Variants in SLC18A2 observed in about 807,000 individuals in gnomAD.
SLC18A2 encodes solute carrier family 18 member A2, also known as synaptic vesicular amine transporter.
Under a neutral mutation model 59.2 loss-of-function variants are expected in SLC18A2, and 33 were observed. The observed-to-expected ratio is 0.56, with a 90% CI of 0.42 to 0.75. The LOEUF is 0.75. SLC18A2 is among the 30% of genes least tolerant of loss of function. The probability of loss-of-function intolerance (pLI) is 0.00; values close to 1 mark genes in which losing one functional copy is unlikely to be tolerated. For missense variants in SLC18A2, 569 were observed against 668.6 expected (o/e 0.85, Z 1.64); for synonymous variants, 228 against 253.5 (o/e 0.90, Z 0.95).
chr10:117,277,634 T>C lies in SLC18A2; in HGVS notation c.*368T>C, dbSNP rs363281. 4,864 of 154,524 alleles carry C rather than the reference T, an allele frequency of 0.031. 85 individuals carry two copies. The highest frequency in any genetic ancestry group is 0.038 in the South Asian group (190 of 4,936). 9.6% of individuals were successfully genotyped at this position (154,524 alleles called of 1,614,324 possible). ...GGGCAAAAATCATATTGGTAATGAG[T>C]GTTTAAAATTAAAGCACACATTATC... On this transcript the variant is annotated 3_prime_UTR_variant, in exon 16 of 16. Coordinates refer to ENST00000644641, the MANE Select transcript of SLC18A2 (RefSeq NM_003054.6).
Position 117,257,888 on chromosome 10 carries a change from G to C in SLC18A2, c.987G>C (p.Gln329His), listed in dbSNP as rs1232748481. The change falls in exon 10 of 16, where the codon CAG becomes CAC. Residue 329 changes from glutamine to histidine, a missense_variant. Coordinates refer to ENST00000644641, the MANE Select transcript of SLC18A2 (RefSeq NM_003054.6). ...AGACCATGTGTTCCCGAAAGTGGCA[G>C]CTGGGTAAGGACTGGGGTGGGCTCT... Reference protein sequence around the residue: ...MMETMCSRKWQLGVAFLPASI... With the variant: ...MMETMCSRKWHLGVAFLPASI... 3 of 1,609,580 alleles carry C rather than the reference G, an allele frequency of 1.9e-6. No homozygotes were observed. The highest frequency in any genetic ancestry group is 2.5e-6 in the Non-Finnish European group (3 of 1,177,344).
intron 10 of SLC18A2, among the ~76,000 whole-genome samples, chr10:117,261,475 G>A (rs1844294399): frequency 6.6e-6 from 1 of 152,176 alleles, no homozygotes; most frequent in African/African-American, 2.4e-5. Flanking sequence ...TCTTTTTATA[G>A]TTCTTTCAAG....
intron 15 of SLC18A2, among the ~76,000 whole-genome samples, chr10:117,273,822 A>G (rs1442171609): frequency 1.3e-5 from 2 of 152,230 alleles, no homozygotes; most frequent in South Asian, 2.1e-4. Flanking sequence ...TATTACTTAT[A>G]CTTTTCATTT....
At chr10:117,243,403 G>C (rs920523068) in intron 2 of SLC18A2, among the ~76,000 whole-genome samples, 7 of 152,198 alleles carry the variant, frequency 4.6e-5, no homozygotes, top group Admixed American at 3.3e-4. Context: ...CACAGCAGCT[G>C]CCTTTTGAGA....
rs1844197103 is a variant in SLC18A2, at chr10:117,254,061, C to T, written c.537C>T (p.Ser179=). ...MFVSTIMFAF[S]SSYAFLLIAR... is the part of the protein sequence containing the mutation. Reference sequence around the variant, plus strand: ...CTCTCTCGGCAGTGTTTGCCTTCTCCAGCAGCTATGCCTTCCTGCTGATTG... The same window carrying T: ...CTCTCTCGGCAGTGTTTGCCTTCTCTAGCAGCTATGCCTTCCTGCTGATTG... Residue 179 remains serine (S), a synonymous_variant, in exon 5 of 16, where the codon TCC becomes TCT. Transcript: ENST00000644641. The T allele has an allele frequency of 6.2e-7, 1 of 1,613,620 alleles. No individual in the cohort carries two copies. The highest frequency in any genetic ancestry group is 8.5e-7 in the Non-Finnish European group (1 of 1,180,030).
intron 1 of SLC18A2, 57 bp downstream of exon 1, chr10:117,241,277 G>GGGGGAGGC (rs1186431584): frequency 6.3e-6 from 1 of 159,584 alleles, no homozygotes; most frequent in Non-Finnish European, 1.4e-5. Flanking sequence ...GAGCGGGCCC[G>GGGGGAGGC]GGGGAGGCAG....
At chr10:117,257,210 A>G (rs1260741994) in intron 9 of SLC18A2, among the ~76,000 whole-genome samples, 1 of 152,172 alleles carries the variant, frequency 6.6e-6, no homozygotes, top group Non-Finnish European at 1.5e-5. Context: ...GTCTTTTTCC[A>G]GATAGTTCTA....
chr10:117,257,658 C>A (rs1844245238), intron 9 of SLC18A2, 139 bp from the exon 10 acceptor site: 2 of 469,550 alleles, frequency 4.3e-6, no homozygotes, highest in South Asian at 9.3e-5. Context: ...CCTTTGCTGT[C>A]CCCTTGATAT....
At chr10:117,259,659 G>A (rs190030909) in intron 10 of SLC18A2, among the ~76,000 whole-genome samples, 17 of 152,258 alleles carry the variant, frequency 1.1e-4, no homozygotes, top group Middle Eastern at 3.4e-3. Flanking sequence ...GGGAGTTTTC[G>A]GGCCACTGTT....
chr10:117,244,982 T>A (rs1389886581), intron 3 of SLC18A2, among the ~76,000 whole-genome samples: 4 of 152,262 alleles, frequency 2.6e-5, no homozygotes, highest in African/African-American at 9.6e-5. Context: ...CTGTTCTAGA[T>A]TTTTTTGAAC....
rs757244697 is a variant in SLC18A2 at position 117,254,424 on chromosome 10, T to G, written c.627T>G (p.Ser209Arg). 6.2e-7 allele frequency: 1 copy of G among 1,604,574 alleles called. No homozygotes were observed. Among genetic ancestry groups the G allele is most frequent in the East Asian group, 2.2e-5 (1 of 44,764 alleles). ...GTGTAGGGATGGGCATGCTTGCCAGTGTCTACACAGATGATGAAGAGAGAG... is the reference window on the plus strand; with the variant it reads ...GTGTAGGGATGGGCATGCTTGCCAGGGTCTACACAGATGATGAAGAGAGAG... Reference protein sequence around the residue: ...SSVAGMGMLASVYTDDEERGN... With the variant: ...SSVAGMGMLARVYTDDEERGN... Residue 209 changes from serine (S) to arginine (R), a missense_variant, in exon 6 of 16, where the codon AGT (serine) becomes AGG (arginine). By Grantham distance (110) the Ser-to-Arg change is moderately radical. Around this residue, in one of 2 missense-constraint regions of SLC18A2, gnomAD observed 377 missense variants for 389.8 expected, o/e 0.97. Coordinates refer to ENST00000644641, the MANE Select transcript of SLC18A2 (RefSeq NM_003054.6).
chr10:117,243,868 G>T lies in SLC18A2; in HGVS notation c.122-103G>T, dbSNP rs4751619. The T allele has an allele frequency of 8.7e-3, 7,705 of 882,784 alleles. 97 individuals are homozygous for T. The highest frequency in any genetic ancestry group is 0.026 in the Admixed American group (997 of 38,986). 54.7% of individuals were successfully genotyped at this position (882,784 alleles called of 1,614,324 possible). ...CCCAAAGTCCTGGAATTACAGGTGT[G>T]AGCCACTGCTCCCTGCCGACACAAC... On this transcript the variant is annotated intron_variant, in intron 2 of 15. Transcript: ENST00000644641.
intron 2 of SLC18A2, among the ~76,000 whole-genome samples, chr10:117,242,736 T>C (rs898909940): frequency 1.3e-5 from 2 of 152,170 alleles, no homozygotes; most frequent in African/African-American, 2.4e-5. Flanking sequence ...TATTTTGGTT[T>C]TTGTTTGTTT....
Position 117,244,134 on chromosome 10 carries a change from C to A in SLC18A2, c.285C>A (p.Asp95Glu). The A allele has an allele frequency of 6.2e-7, 1 of 1,614,212 alleles. No homozygotes were observed. The highest frequency in any genetic ancestry group is 8.5e-7 in the Non-Finnish European group (1 of 1,180,048). The change falls in exon 3 of 16, where the codon GAC (aspartate) becomes GAA (glutamate). Residue 95 changes from aspartate (D) to glutamate (E), a missense_variant. Physicochemically the swap from Asp to Glu is conservative, Grantham distance 45 (BLOSUM62 2). This residue lies in a region of SLC18A2 where 377 missense variants were observed against 389.8 expected (regional missense o/e 0.97). Transcript: ENST00000644641. The stretch of plus-strand genomic sequence containing the variant: ...TGGTCACCGGGAATGCTACCAGAGA[C>A]CTGACACTTCATCAGACCGCCACAC... Reference protein sequence around the residue: ...STMVTGNATRDLTLHQTATQH... With the variant: ...STMVTGNATRELTLHQTATQH...
chr10:117,258,757 C>G (rs567631280), intron 10 of SLC18A2, among the ~76,000 whole-genome samples: 1 of 135,196 alleles, frequency 7.4e-6, no homozygotes, highest in South Asian at 2.4e-4. Flanking sequence ...TATGTGTACA[C>G]CCCCGACTCT....
At position 117,246,482 on chromosome 10, in the gene SLC18A2, C is replaced by T. The variant is rs192761935; in HGVS notation, c.464+2169C>T. On this transcript the variant is annotated intron_variant, in intron 3 of 15. Coordinates refer to ENST00000644641, the MANE Select transcript of SLC18A2 (RefSeq NM_003054.6). The stretch of plus-strand genomic sequence containing the variant: ...AGGCTCATGTTTGGGACTTCAAAAA[C>T]ATTATCTTCCATTTTGTGACTTGTG... 4.4e-3 allele frequency among the ~76,000 whole-genome samples: 670 copies of T among 152,300 alleles called. 5 individuals carry two copies. The highest frequency in any genetic ancestry group is 0.015 in the African/African-American group (641 of 41,562).
chr10:117,259,214 A>G (rs898367952), intron 10 of SLC18A2, among the ~76,000 whole-genome samples: 1 of 152,080 alleles, frequency 6.6e-6, no homozygotes, highest in Admixed American at 6.5e-5. Flanking sequence ...TGCAAATTTA[A>G]TTTTCCTGGA....
At chr10:117,262,901 T>G (rs1326600176) in intron 10 of SLC18A2, among the ~76,000 whole-genome samples, 2 of 152,202 alleles carry the variant, frequency 1.3e-5, no homozygotes, top group African/African-American at 2.4e-5. Flanking sequence ...AGATGTTTTG[T>G]GCTCATCCTC....
intron 15 of SLC18A2, among the ~76,000 whole-genome samples, chr10:117,273,761 A>T (rs1208216961): frequency 6.6e-6 from 1 of 152,166 alleles, no homozygotes; most frequent in Non-Finnish European, 1.5e-5. Context: ...AATCTCAAAG[A>T]CTGGCACTCT....
Sources: allele counts gnomAD v4.1 joint callset (sites outside exome capture counted in the v4.1 genomes callset), GRCh38; gene constraint gnomAD v4.1.1; regional missense constraint gnomAD v4.1.1; transcripts MANE v1.5; gene names NCBI Gene and HGNC (gene_info 2026-07-23, HGNC 2026-07-21).